Variants in TMED5 observed in about 807,000 individuals in gnomAD.
The protein encoded by TMED5 is transmembrane emp24 domain-containing protein 5.
TMED5 carries 27 observed loss-of-function variants against 23.0 expected under a neutral mutation model. The observed-to-expected ratio is 1.17, with a 90% confidence interval of 0.86 to 1.62. The LOEUF is 1.62. Among genes scored for constraint, TMED5 ranks in the 40% most tolerant of loss-of-function variants. TMED5 has a pLI of 0.00. For missense variants in TMED5, 248 were observed against 273.7 expected, an observed-to-expected ratio of 0.91 and a Z score of 0.66; for synonymous variants, 97 against 100.8, an observed-to-expected ratio of 0.96 and a Z score of 0.23.
At position 93,154,535 on chromosome 1, in the gene TMED5, C is replaced by T. The variant is rs1647985234; in HGVS notation, c.*135G>A. Reference sequence around the variant, plus strand: ...GCACAGAAAGTGAAGACTTAATTTTCACATTAAAATTATACCTGTTTCCTA... The same window carrying T: ...GCACAGAAAGTGAAGACTTAATTTTTACATTAAAATTATACCTGTTTCCTA... On this transcript the variant is annotated 3_prime_UTR_variant, in exon 4 of 4. Transcript: ENST00000370282. The T allele has an allele frequency of 1.6e-6, 1 of 636,878 alleles. No individual in the cohort carries two copies. The highest frequency in any genetic ancestry group is 2.7e-6 in the Non-Finnish European group (1 of 373,354). The allele number at this position is 636,878 out of a possible 1,614,324, so 39.5% of individuals were successfully genotyped here.
At chr1:93,163,042 T>C (rs1181718611) in intron 1 of TMED5, 1 of 152,074 alleles carries the variant, frequency 6.6e-6, no homozygotes, top group Non-Finnish European at 1.5e-5. Context: ...GAGTAGTCAC[T>C]GCACTCCAGC....
chr1:93,178,730 C>A (rs1269087797), intron 1 of TMED5, among the ~76,000 whole-genome samples: 1 of 152,122 alleles, frequency 6.6e-6, no homozygotes, highest in African/African-American at 2.4e-5. Flanking sequence ...ATATTTTATT[C>A]TCTGTGCTTA....
chr1:93,179,911 C>T (rs1571293758), intron 1 of TMED5, 143 bp downstream of exon 1: 1 of 879,652 alleles, frequency 1.1e-6, no homozygotes, highest in South Asian at 1.9e-5. Flanking sequence ...CCTCGCGCGC[C>T]TGCGCGGAGC....
chr1:93,156,043 C>G, intron 3 of TMED5: 1 of 1,455,108 alleles, frequency 6.9e-7, no homozygotes, highest in Non-Finnish European at 9.1e-7. Flanking sequence ...TACCAAGATG[C>G]AGTCTTATTT....
At chr1:93,157,343 C>T (rs1648108267) in intron 2 of TMED5, among the ~76,000 whole-genome samples, 1 of 152,024 alleles carries the variant, frequency 6.6e-6, no homozygotes, top group African/African-American at 2.4e-5. Context: ...GGTAATTCAG[C>T]CCATCATTAA....
chr1:93,158,049 A>G (rs978680402), intron 2 of TMED5, among the ~76,000 whole-genome samples: 3 of 147,626 alleles, frequency 2.0e-5, no homozygotes, highest in African/African-American at 7.6e-5. Flanking sequence ...GCGTGAACCC[A>G]GGAGGCGGAG....
chr1:93,160,302 G>A (rs186686748), intron 1 of TMED5, 76 bp from the exon 2 acceptor site: 279 of 813,942 alleles, frequency 3.4e-4, no homozygotes, highest in Non-Finnish European at 5.2e-4. Flanking sequence ...TAGATCATAT[G>A]ATGTAAAGAT....
chr1:93,179,965 C>A, intron 1 of TMED5, 89 bp downstream of exon 1: 1 of 1,380,104 alleles, frequency 7.2e-7, no homozygotes, highest in South Asian at 1.4e-5. Context: ...CCACCAGGGC[C>A]GTCCACCAGA....
At position 93,175,175 on chromosome 1, in the gene TMED5, T is replaced by TTATATATATATATATATATA. The variant is rs201008342; in HGVS notation, c.189+4859_189+4878dup. ...TATTTATATAATACTTAAAAGCCAT[T>TTATATATATATATATATATA]TATATATATATATATATATATATAT... On this transcript the variant is annotated intron_variant, in intron 1 of 3. Coordinates refer to ENST00000370282, the MANE Select transcript of TMED5 (RefSeq NM_016040.5). Among the ~76,000 whole-genome samples, 591 of 119,722 alleles carry TTATATATATATATATATATA rather than the reference T, an allele frequency of 4.9e-3. 24 individuals carry two copies. The highest frequency in any genetic ancestry group is 0.021 in the African/African-American group (519 of 24,836). 78.5% of individuals were successfully genotyped at this position (119,722 alleles called of 152,430 possible). A position where few individuals can be genotyped will look rare whatever the true frequency, so the allele number is the denominator to read the frequency against.
chr1:93,179,994 A>G, intron 1 of TMED5, 60 bp downstream of exon 1: 1 of 1,524,520 alleles, frequency 6.6e-7, no homozygotes, highest in Non-Finnish European at 8.9e-7. Context: ...AACGGGTGAG[A>G]GGCGACAACG....
chr1:93,176,885 C>G (rs1040435869), intron 1 of TMED5, among the ~76,000 whole-genome samples: 5 of 152,194 alleles, frequency 3.3e-5, no homozygotes, highest in Non-Finnish European at 5.9e-5. Context: ...TGACACATAT[C>G]AAGCACGCAA....
chr1:93,172,832 G>A (rs539481630), intron 1 of TMED5, among the ~76,000 whole-genome samples: 2 of 152,108 alleles, frequency 1.3e-5, no homozygotes, highest in Non-Finnish European at 2.9e-5. Context: ...ATTCACAATA[G>A]TCAAGACATA....
rs1040080752 is a variant in TMED5, at chr1:93,149,906, C to T, written c.*4764G>A. On this transcript the variant is annotated 3_prime_UTR_variant, in exon 4 of 4. Transcript: ENST00000370282. The stretch of plus-strand genomic sequence containing the variant: ...GTGGCTCACGCCTGTAATCTCAGCA[C>T]TTGGGAAGTTGAGGCGGGCACATCA... 16 of 152,182 alleles carry T rather than the reference C, an allele frequency of 1.1e-4. No individual in the cohort carries two copies. The highest frequency in any genetic ancestry group is 3.9e-4 in the African/African-American group (16 of 41,442). The allele number at this position is 152,182 out of a possible 1,614,324, so 9.4% of individuals were successfully genotyped here. A position where few individuals can be genotyped will look rare whatever the true frequency, so the allele number is the denominator to read the frequency against.
chr1:93,169,093 A>G (rs1327487451), intron 1 of TMED5, among the ~76,000 whole-genome samples: 1 of 152,194 alleles, frequency 6.6e-6, no homozygotes, highest in African/African-American at 2.4e-5. Context: ...CATCAATCAA[A>G]TGTGTCTAAT....
intron 2 of TMED5, among the ~76,000 whole-genome samples, chr1:93,157,082 A>T (rs1179745042): frequency 1.3e-5 from 2 of 152,272 alleles, no homozygotes; most frequent in African/African-American, 4.8e-5. Context: ...TTTATACATT[A>T]TTAAAAGTAT....
intron 1 of TMED5, among the ~76,000 whole-genome samples, chr1:93,165,086 A>C (rs1648446124): frequency 6.6e-6 from 1 of 152,234 alleles, no homozygotes; most frequent in Non-Finnish European, 1.5e-5. Context: ...TAAGGAATTG[A>C]ATCCTGTCAA....
At chr1:93,175,864 T>C (rs898720209) in intron 1 of TMED5, among the ~76,000 whole-genome samples, 3 of 152,306 alleles carry the variant, frequency 2.0e-5, no homozygotes, top group Admixed American at 1.3e-4. Context: ...AGGCTCAGGG[T>C]TTATTTTCTA....
At chr1:93,168,169 A>T (rs1453886034) in intron 1 of TMED5, among the ~76,000 whole-genome samples, 6 of 152,192 alleles carry the variant, frequency 3.9e-5, no homozygotes, top group Admixed American at 3.9e-4. Context: ...AGAAGAGAGA[A>T]AGTAGAATTA....
intron 1 of TMED5, among the ~76,000 whole-genome samples, chr1:93,168,784 G>C (rs1325476949): frequency 6.6e-6 from 1 of 152,208 alleles, no homozygotes; most frequent in Non-Finnish European, 1.5e-5. Flanking sequence ...GCAGTGAGCT[G>C]AGATGGCACC....
Sources: gnomAD v4.1 joint callset for allele counts (sites outside exome capture counted in the v4.1 genomes callset) on GRCh38, gnomAD v4.1.1 for gene constraint, MANE v1.5 for transcripts, NCBI Gene and HGNC (gene_info 2026-07-23, HGNC 2026-07-21) for gene names.